TRPC5: variants seen among roughly 807,000 people sequenced by gnomAD.
TRPC5 encodes the protein short transient receptor potential channel 5.
In TRPC5, 9 loss-of-function variants were observed where a neutral mutation model predicts 56.5. That is an observed-to-expected ratio of 0.16 (90% CI 0.10 to 0.28). The LOEUF (loss-of-function observed/expected upper bound fraction) is 0.28. TRPC5 is among the 10% of genes least tolerant of loss of function. The pLI, the probability that TRPC5 is intolerant of heterozygous loss-of-function variation, is 1.00. For synonymous variants in TRPC5, 282 were observed against 278.5 expected (o/e 1.01, Z -0.13); for missense variants, 469 against 748.9 (o/e 0.63, Z 4.36).
chrX:111,942,352 T>C (rs1926804547), intron 2 of TRPC5, among the ~76,000 whole-genome samples: 1 of 112,398 alleles, frequency 8.9e-6, no homozygotes, highest in South Asian at 3.7e-4. Context: ...GAGTTAATCA[T>C]TTGCTGAAAC....
intron 3 of TRPC5, chrX:111,903,651 C>T (rs1925471790): frequency 9.0e-6 from 1 of 111,710 alleles, no homozygotes; most frequent in African/African-American, 3.3e-5. Flanking sequence ...GCAAATTAGC[C>T]CTTTTCTGTA....
chrX:111,776,990 C>T lies in TRPC5; in HGVS notation c.2245G>A (p.Asp749Asn). ...TEENFKELKQ[D>N]ISSFRYEVLD... ...ACTTCATACCGAAAGCTGGAGATGT[C>T]TTGCTTTAATTCCTGGGAAAAGAGA... Residue 749 changes from aspartate to asparagine, a missense_variant, in exon 11 of 11, where the codon GAC becomes AAC. By Grantham distance (23) the Asp-to-Asn change is conservative. This residue lies in a region of TRPC5 where 194 missense variants were observed against 221.8 expected (regional missense o/e 0.87). Transcript: ENST00000262839. The T allele has an allele frequency of 8.8e-7, 1 of 1,136,653 alleles. No individual in the cohort carries two copies. Among genetic ancestry groups the T allele is most frequent in the Non-Finnish European group, 1.2e-6 (1 of 860,124 alleles). The allele number at this position is 1,136,653 out of a possible 1,213,427, so 93.7% of individuals were successfully genotyped here.
At chrX:112,073,384 C>T (rs762751124) in intron 1 of TRPC5, among the ~76,000 whole-genome samples, 5 of 109,107 alleles carry the variant, frequency 4.6e-5, no homozygotes, top group African/African-American at 9.8e-5. Flanking sequence ...ATTCTCCTGC[C>T]TCAGCCTCCT....
At chrX:111,815,000 A>G (rs901220154) in intron 7 of TRPC5, among the ~76,000 whole-genome samples, 2 of 111,466 alleles carry the variant, frequency 1.8e-5, no homozygotes, top group Non-Finnish European at 3.8e-5. Flanking sequence ...TTGCTTCAAG[A>G]GAGATCCCAG....
intron 1 of TRPC5, among the ~76,000 whole-genome samples, chrX:112,002,134 G>C (rs776767478): frequency 5.3e-4 from 59 of 111,823 alleles, no homozygotes; most frequent in Middle Eastern, 4.6e-3. Context: ...TACTGAAAGT[G>C]ATCTGTTTTC....
At position 111,990,436 on chromosome X, in the gene TRPC5, T is replaced by A. The variant is rs1045590274; in HGVS notation, c.-21-37995A>T. ...CCATCTCAAAAATAATAATAATAATTCTATGGCTTTAAGATACAAGGAGAA... is the reference window on the plus strand; with the variant it reads ...CCATCTCAAAAATAATAATAATAATACTATGGCTTTAAGATACAAGGAGAA... On this transcript the variant is annotated intron_variant, in intron 1 of 10. Coordinates refer to ENST00000262839, the MANE Select transcript of TRPC5 (RefSeq NM_012471.3). 3.6e-5 allele frequency among the ~76,000 whole-genome samples: 4 copies of A among 110,428 alleles called. No individual in the cohort carries two copies. The East Asian group carries it at 1.1e-3, about 31-fold the overall frequency.
At chrX:111,921,516 A>G (rs1926126824) in intron 2 of TRPC5, among the ~76,000 whole-genome samples, 1 of 111,010 alleles carries the variant, frequency 9.0e-6, no homozygotes, top group African/African-American at 3.3e-5. Context: ...GAAAAATTCA[A>G]TTTGATTATT....
rs547330564 is a variant in TRPC5 at position 111,843,873 on chromosome X, AGTGTGTGTGTGT to A, written c.1700+3229_1700+3240del. ...AGGCCTGAACCAAGACAGTGGGATG[AGTGTGTGTGTGT>A]GTGTGTGTGTGTGTGTGTGTGTGTG... On this transcript the variant is annotated intron_variant, in intron 6 of 10. Transcript: ENST00000262839. 2.5e-3 allele frequency among the ~76,000 whole-genome samples: 179 copies of A among 72,599 alleles called. 3 individuals carry two copies. The highest frequency in any genetic ancestry group is 0.022 in the Admixed American group (146 of 6,613). 63.0% of individuals were successfully genotyped at this position (72,599 alleles called of 115,157 possible). A position where few individuals can be genotyped will look rare whatever the true frequency, so the allele number is the denominator to read the frequency against.
At chrX:111,929,170 C>T (rs1316692826) in intron 2 of TRPC5, among the ~76,000 whole-genome samples, 2 of 112,211 alleles carry the variant, frequency 1.8e-5, no homozygotes. Context: ...GATTGCTTGT[C>T]TTTTGTTAGA....
At chrX:111,899,362 A>G (rs760444337) in intron 3 of TRPC5, among the ~76,000 whole-genome samples, 3 of 111,823 alleles carry the variant, frequency 2.7e-5, no homozygotes, top group Non-Finnish European at 3.8e-5. Flanking sequence ...CAATAAATAC[A>G]ATAAAAATTT....
At chrX:112,075,725 C>T (rs1322022615) in intron 1 of TRPC5, among the ~76,000 whole-genome samples, 2 of 111,590 alleles carry the variant, frequency 1.8e-5, no homozygotes, top group Admixed American at 9.5e-5. Flanking sequence ...AGCTGAGTTC[C>T]CCCTCATCAA....
At chrX:111,805,990 C>T (rs751450766) in intron 7 of TRPC5, among the ~76,000 whole-genome samples, 8 of 110,964 alleles carry the variant, frequency 7.2e-5, no homozygotes, top group African/African-American at 2.0e-4. Context: ...AAATCTGCAG[C>T]TCTGTAGTTT....
At chrX:111,949,814 T>C (rs1187875457) in intron 2 of TRPC5, among the ~76,000 whole-genome samples, 1 of 111,660 alleles carries the variant, frequency 9.0e-6, no homozygotes, top group Non-Finnish European at 1.9e-5. Flanking sequence ...AAAGTAGAAC[T>C]ATCATTTTAT....
At chrX:111,983,900 A>G (rs1928144440) in intron 1 of TRPC5, among the ~76,000 whole-genome samples, 1 of 111,701 alleles carries the variant, frequency 9.0e-6, no homozygotes, top group African/African-American at 3.3e-5. Context: ...GCGTAGCAGG[A>G]GAGGGAACCA....
intron 7 of TRPC5, among the ~76,000 whole-genome samples, chrX:111,825,151 CTTTCTTT>C (rs1453275902): frequency 0.07 from 1,536 of 21,876 alleles, 68 homozygotes; most frequent in African/African-American, 0.08. Context: ...TCCTTCCTTT[CTTTCTTT>C]CTTTCTTTCT....
rs771144168 is a variant in TRPC5 at position 111,846,472 on chromosome X, A to C, written c.1700+642T>G. Among the ~76,000 whole-genome samples the C allele has an allele frequency of 4.3e-4, 48 of 112,405 alleles. 1 individual carries two copies. The highest frequency in any genetic ancestry group is 7.7e-4 in the Non-Finnish European group (41 of 53,268). ...TCTTGACAGTACTAAGCAAAGGCAC[A>C]GGAGTTCCATGTGTTCAGAGGCAGT... On this transcript the variant is annotated intron_variant, in intron 6 of 10. Transcript: ENST00000262839.
chrX:111,990,920 T>C (rs1928337123), intron 1 of TRPC5, among the ~76,000 whole-genome samples: 1 of 112,665 alleles, frequency 8.9e-6, no homozygotes, highest in Admixed American at 9.4e-5. Context: ...CTGCTGCTGC[T>C]AGTAGAAACT....
intron 1 of TRPC5, among the ~76,000 whole-genome samples, chrX:112,014,509 A>G (rs1249203398): frequency 8.9e-6 from 1 of 112,370 alleles, no homozygotes; most frequent in Non-Finnish European, 1.9e-5. Flanking sequence ...GCTTCTCTGC[A>G]TGTGCTCCTG....
At position 111,842,120 on chromosome X, in the gene TRPC5, TTATATATATATGTATA is replaced by T. The variant is rs1186913456; in HGVS notation, c.1700+4978_1700+4993del. ...ATGTATGTGTGTATATATATATATT[TTATATATATATGTATA>T]TATATATATATGTATATTTTAGATG... On this transcript the variant is annotated intron_variant, in intron 6 of 10. Transcript: ENST00000262839. 6.2e-5 allele frequency among the ~76,000 whole-genome samples: 5 copies of T among 80,611 alleles called. 1 individual carries two copies. Among genetic ancestry groups the T allele is most frequent in the Middle Eastern group, 5.6e-3 (1 of 177 alleles). 70.0% of individuals were successfully genotyped at this position (80,611 alleles called of 115,157 possible).
Sources: gnomAD v4.1 joint callset for allele counts (sites outside exome capture counted in the v4.1 genomes callset) on GRCh38, gnomAD v4.1.1 for gene constraint, gnomAD v4.1.1 regional missense constraint, MANE v1.5 for transcripts, NCBI Gene and HGNC (gene_info 2026-07-23, HGNC 2026-07-21) for gene names.